The following FGF12 variants were observed in gnomAD, a reference collection of about 807,000 sequenced individuals.
FGF12 encodes the protein fibroblast growth factor 12, also known as fibroblast growth factor 12B.
FGF12 carries 14 observed loss-of-function variants against 23.6 expected under a neutral mutation model. The observed-to-expected ratio is 0.59, with a 90% CI of 0.39 to 0.93. The LOEUF is 0.93. Among genes scored for constraint, FGF12 ranks in the 40% least tolerant of loss-of-function variants. The pLI is 0.00. For synonymous variants in FGF12, 62 were observed against 77.3 expected (o/e 0.80, Z 1.04); for missense variants, 175 against 217.8 (o/e 0.80, Z 1.24).
chr3:192,380,006 G>A (rs553236248), intron 2 of FGF12, among the ~76,000 whole-genome samples: 2 of 152,202 alleles, frequency 1.3e-5, no homozygotes, highest in Admixed American at 6.5e-5. Flanking sequence ...ACACCACAGC[G>A]TTACATAACA....
At chr3:192,227,580 T>TAAAAA (rs778525112) in intron 4 of FGF12, among the ~76,000 whole-genome samples, 3 of 60,260 alleles carry the variant, frequency 5.0e-5, no homozygotes, top group Non-Finnish European at 7.3e-5. Context: ...GAACTTAAAG[T>TAAAAA]AAAAAAAAAA....
intron 2 of FGF12, among the ~76,000 whole-genome samples, chr3:192,433,019 T>A (rs1721911321): frequency 6.6e-6 from 1 of 152,156 alleles, no homozygotes; most frequent in Non-Finnish European, 1.5e-5. Flanking sequence ...ACCCTTCAGA[T>A]CGTCAAACGT....
At chr3:192,227,580 T>TAAAAAAAAAAAAAAAAAAA (rs778525112) in intron 4 of FGF12, among the ~76,000 whole-genome samples, 1 of 60,276 alleles carries the variant, frequency 1.7e-5, no homozygotes, top group Non-Finnish European at 3.6e-5. Flanking sequence ...GAACTTAAAG[T>TAAAAAAAAAAAAAAAAAAA]AAAAAAAAAA....
chr3:192,614,929 G>T (rs929449138), intron 2 of FGF12, among the ~76,000 whole-genome samples: 15 of 151,876 alleles, frequency 9.9e-5, no homozygotes, highest in Middle Eastern at 3.4e-3. Flanking sequence ...GTTTACAGGG[G>T]TTTTTTTCTC....
chr3:192,688,032 T>G (rs554736739), intron 2 of FGF12, among the ~76,000 whole-genome samples: 12 of 151,766 alleles, frequency 7.9e-5, no homozygotes, highest in East Asian at 5.8e-4. Flanking sequence ...AACTGACCTT[T>G]GCTGCCACAC....
chr3:192,204,216 A>T (rs1267549746), intron 4 of FGF12, among the ~76,000 whole-genome samples: 1 of 152,210 alleles, frequency 6.6e-6, no homozygotes, highest in African/African-American at 2.4e-5. Flanking sequence ...CTGAGCAAAA[A>T]GATGAAAGAA....
chr3:192,539,089 G>A (rs1016411010), intron 2 of FGF12, among the ~76,000 whole-genome samples: 3 of 152,122 alleles, frequency 2.0e-5, no homozygotes, highest in African/African-American at 7.2e-5. Flanking sequence ...TGCAAACGAG[G>A]ATAATTTGAC....
At position 192,514,907 on chromosome 3, in the gene FGF12, G is replaced by C. The variant is rs1724614771; in HGVS notation, c.14-154369C>G. The C allele has an allele frequency of 2.0e-6, 2 of 983,768 alleles. No homozygotes were observed. The highest frequency in any genetic ancestry group is 6.1e-5 in the Admixed American group (1 of 16,262). 60.9% of individuals were successfully genotyped at this position (983,768 alleles called of 1,614,324 possible). A position where few individuals can be genotyped will look rare whatever the true frequency, so the allele number is the denominator to read the frequency against. ...TTGCACATGGAGCCGGAGGGAGCCC[G>C]GGCGCCGGCAGGGGGCGGGCCGGGA... On this transcript the variant is annotated intron_variant, in intron 2 of 5. Coordinates refer to ENST00000445105, the MANE Select transcript of FGF12 (RefSeq NM_004113.6). This position sits in a 1 kb window ranked among gnomAD's most constrained non-coding sequence, Gnocchi z 4.9.
chr3:192,151,312 T>C (rs1187482725), intron 5 of FGF12, among the ~76,000 whole-genome samples: 1 of 140,058 alleles, frequency 7.1e-6, no homozygotes, highest in Non-Finnish European at 1.6e-5. Context: ...CTTTATTTCC[T>C]TCCCCTGCCT....
chr3:192,312,026 T>G (rs1204134695), intron 4 of FGF12, among the ~76,000 whole-genome samples: 1 of 152,176 alleles, frequency 6.6e-6, no homozygotes, highest in African/African-American at 2.4e-5. Flanking sequence ...TGTCTTTTTA[T>G]TACTGAGTTA....
chr3:192,236,844 T>C (rs2108590520), intron 4 of FGF12, among the ~76,000 whole-genome samples: 1 of 152,306 alleles, frequency 6.6e-6, no homozygotes, highest in East Asian at 1.9e-4. Flanking sequence ...TCAAGGCTAA[T>C]ATTGATATGT....
intron 2 of FGF12, among the ~76,000 whole-genome samples, chr3:192,603,757 A>C (rs1019250560): frequency 2.6e-5 from 4 of 152,176 alleles, no homozygotes; most frequent in African/African-American, 9.7e-5. Context: ...GCTTCTGAGG[A>C]AACAGGACAA....
At chr3:192,337,890 A>T (rs755094927) in intron 3 of FGF12, among the ~76,000 whole-genome samples, 3 of 152,336 alleles carry the variant, frequency 2.0e-5, no homozygotes, top group Middle Eastern at 3.4e-3. Context: ...ATTGCTTTAA[A>T]GCTTTAAAAT....
intron 2 of FGF12, among the ~76,000 whole-genome samples, chr3:192,572,360 A>G (rs1269898671): frequency 6.6e-6 from 1 of 152,192 alleles, no homozygotes; most frequent in Non-Finnish European, 1.5e-5. Flanking sequence ...GAAAATTCAC[A>G]TGATCATGCA....
At chr3:192,557,595 C>G (rs1183605452) in intron 2 of FGF12, among the ~76,000 whole-genome samples, 2 of 151,750 alleles carry the variant, frequency 1.3e-5, no homozygotes, top group Non-Finnish European at 3.0e-5. Flanking sequence ...ATAGCAAAGA[C>G]AAACAAAGAC....
At chr3:192,293,688 T>A (rs976310088) in intron 4 of FGF12, among the ~76,000 whole-genome samples, 2 of 152,234 alleles carry the variant, frequency 1.3e-5, no homozygotes, top group African/African-American at 2.4e-5. Context: ...TTCCTTCTTT[T>A]TGTGTGGAAC....
intron 2 of FGF12, among the ~76,000 whole-genome samples, chr3:192,490,299 T>C (rs925775314): frequency 6.6e-6 from 1 of 152,098 alleles, no homozygotes; most frequent in Non-Finnish European, 1.5e-5. Context: ...CCTCCATCAC[T>C]GAAGTATTTT....
chr3:192,140,609 G>A lies in FGF12; in HGVS notation c.*3400C>T, dbSNP rs1247237515. The stretch of plus-strand genomic sequence containing the variant: ...TTAATACTCTCATCTCCCACTAGTG[G>A]CACCGCAGGACTACCAATCTAGATA... On this transcript the variant is annotated 3_prime_UTR_variant, in exon 6 of 6. Transcript: ENST00000445105. 6.6e-6 allele frequency: 1 copy of A among 151,758 alleles called. No homozygotes were observed. The highest frequency in any genetic ancestry group is 2.4e-5 in the African/African-American group (1 of 41,316). 9.4% of individuals were successfully genotyped at this position (151,758 alleles called of 1,614,324 possible).
chr3:192,391,584 T>C (rs1720295038), intron 2 of FGF12, among the ~76,000 whole-genome samples: 1 of 152,162 alleles, frequency 6.6e-6, no homozygotes, highest in Admixed American at 6.5e-5. Flanking sequence ...AGACCAAATC[T>C]GGATTATTAT....
Sources: allele counts gnomAD v4.1 joint callset (sites outside exome capture counted in the v4.1 genomes callset), GRCh38; gene constraint gnomAD v4.1.1; non-coding constraint Gnocchi (gnomAD v3.1); transcripts MANE v1.5; gene names NCBI Gene and HGNC (gene_info 2026-07-23, HGNC 2026-07-21).